IFT43: variants seen among roughly 807,000 people sequenced by gnomAD.
IFT43 encodes intraflagellar transport 43.
IFT43 carries 33 observed loss-of-function variants against 32.3 expected under a neutral mutation model. The ratio of observed to expected loss-of-function variants is 1.02; its 90% CI spans 0.77 to 1.37. IFT43 has a LOEUF of 1.37. IFT43 is among the 40% of genes most tolerant of loss of function. The pLI is 0.00. For synonymous variants in IFT43, 93 were observed against 98.2 expected (o/e 0.95, Z 0.31); for missense variants, 274 against 265.9 (o/e 1.03, Z -0.21).
intron 3 of IFT43, among the ~76,000 whole-genome samples, chr14:76,026,429 G>A (rs1164552979): frequency 2.6e-5 from 4 of 151,782 alleles, no homozygotes; most frequent in Non-Finnish European, 4.4e-5. Context: ...ATGGTGGCAC[G>A]TGTCTGTAAT....
At chr14:76,017,269 A>G (rs575431838) in intron 2 of IFT43, among the ~76,000 whole-genome samples, 312 of 152,294 alleles carry the variant, frequency 2.0e-3, no homozygotes, top group Middle Eastern at 6.8e-3. Flanking sequence ...GGGATGTTCA[A>G]TCATATCAAA....
intron 5 of IFT43, chr14:76,059,738 T>C (rs1174417792): frequency 2.8e-6 from 1 of 351,238 alleles, no homozygotes; most frequent in East Asian, 7.2e-5. Flanking sequence ...AGGTGTTGAC[T>C]ATATCCCAAG....
At chr14:75,999,200 T>TAA (rs1205175011) in intron 2 of IFT43, among the ~76,000 whole-genome samples, 1 of 144,476 alleles carries the variant, frequency 6.9e-6, no homozygotes, top group African/African-American at 2.5e-5. Context: ...TATATATATA[T>TAA]AATATTCATT....
intron 2 of IFT43, among the ~76,000 whole-genome samples, chr14:76,006,906 A>G (rs2035990591): frequency 7.4e-6 from 1 of 135,298 alleles, no homozygotes; most frequent in Non-Finnish European, 1.5e-5. Flanking sequence ...TGCCTAGGCT[A>G]GAGTGCAATG....
rs375953843 is a variant in IFT43 at position 76,018,147 on chromosome 14, A to G, written c.148-4180A>G. ...CCTGAGGTGTGTTGTTAGCTTGTTC[A>G]TTCAGAATCTTTCCTTTTTTTTTTT... On this transcript the variant is annotated intron_variant, in intron 2 of 8. Transcript: ENST00000314067. Among the ~76,000 whole-genome samples, 27 of 145,010 alleles carry G rather than the reference A, an allele frequency of 1.9e-4. 1 individual carries two copies. The East Asian group carries it at 3.9e-3, about 21-fold the overall frequency.
chr14:76,001,140 C>T (rs2035877399), intron 2 of IFT43, among the ~76,000 whole-genome samples: 1 of 152,174 alleles, frequency 6.6e-6, no homozygotes, highest in Non-Finnish European at 1.5e-5. Context: ...ATTGGATTTG[C>T]ATCTTAGAAA....
At chr14:76,010,868 T>C (rs2036070409) in intron 2 of IFT43, among the ~76,000 whole-genome samples, 1 of 151,936 alleles carries the variant, frequency 6.6e-6, no homozygotes, top group Non-Finnish European at 1.5e-5. Context: ...TAAGTCTCTT[T>C]TAATTTAGAA....
intron 5 of IFT43, among the ~76,000 whole-genome samples, chr14:76,074,210 G>A (rs1268697114): frequency 6.6e-6 from 1 of 152,134 alleles, no homozygotes; most frequent in East Asian, 1.9e-4. Context: ...CTCTGAGAAG[G>A]TGCTCTCTGT....
intron 2 of IFT43, among the ~76,000 whole-genome samples, chr14:76,012,964 C>G (rs1449636183): frequency 1.3e-5 from 2 of 152,146 alleles, no homozygotes; most frequent in Admixed American, 1.3e-4. Flanking sequence ...AGCTCTAATC[C>G]TTCTCTTCCA....
At chr14:76,022,919 A>G (rs534917392) in intron 3 of IFT43, among the ~76,000 whole-genome samples, 1 of 152,362 alleles carries the variant, frequency 6.6e-6, no homozygotes, top group East Asian at 1.9e-4. Context: ...ATCAGTCATC[A>G]TTCATAAAGG....
At chr14:76,067,213 G>A (rs1010056389) in intron 5 of IFT43, among the ~76,000 whole-genome samples, 1 of 152,192 alleles carries the variant, frequency 6.6e-6, no homozygotes, top group African/African-American at 2.4e-5. Flanking sequence ...CCTAGGGATA[G>A]AAGACAAGCA....
At chr14:76,032,061 AC>A (rs2036518248) in intron 3 of IFT43, among the ~76,000 whole-genome samples, 2 of 150,340 alleles carry the variant, frequency 1.3e-5, no homozygotes, top group African/African-American at 4.9e-5. Flanking sequence ...AACCCCTTCT[AC>A]CCCCTCCCCT....
At chr14:76,052,957 C>T (rs976268115) in intron 3 of IFT43, among the ~76,000 whole-genome samples, 3 of 152,018 alleles carry the variant, frequency 2.0e-5, no homozygotes, top group African/African-American at 7.3e-5. Flanking sequence ...TTGAAATGCC[C>T]GCATGTCTCC....
At chr14:75,987,458 AG>A (rs2035551516) in intron 1 of IFT43, among the ~76,000 whole-genome samples, 1 of 152,164 alleles carries the variant, frequency 6.6e-6, no homozygotes, top group Non-Finnish European at 1.5e-5. Context: ...AAGTTTCAGC[AG>A]GGTAGAGTGG....
At chr14:76,043,628 T>G (rs2036749310) in intron 3 of IFT43, among the ~76,000 whole-genome samples, 1 of 152,206 alleles carries the variant, frequency 6.6e-6, no homozygotes, top group South Asian at 2.1e-4. Context: ...GAAATCTGTT[T>G]CTCCCAATGT....
chr14:76,034,493 A>G (rs2036564311), intron 3 of IFT43, among the ~76,000 whole-genome samples: 1 of 152,200 alleles, frequency 6.6e-6, no homozygotes, highest in East Asian at 1.9e-4. Context: ...AGCACCTTAT[A>G]TGTGCATTAC....
At chr14:75,997,148 A>C (rs2035762452) in intron 2 of IFT43, among the ~76,000 whole-genome samples, 1 of 152,184 alleles carries the variant, frequency 6.6e-6, no homozygotes, top group Admixed American at 6.5e-5. Context: ...TTCCAGGTAG[A>C]GGGAAGAGTG....
chr14:75,993,351 C>G (rs1368068304), intron 2 of IFT43, among the ~76,000 whole-genome samples: 1 of 152,202 alleles, frequency 6.6e-6, no homozygotes, highest in East Asian at 1.9e-4. Flanking sequence ...AGTGAGAATG[C>G]TGGGTTGACA....
At chr14:75,988,809 C>T (rs1353436191) in intron 1 of IFT43, 76 bp from the exon 2 acceptor site, 9 of 1,607,558 alleles carry the variant, frequency 5.6e-6, no homozygotes, top group East Asian at 2.2e-5. Context: ...TGAGCCACTG[C>T]GCCCGGCTGG....
Sources: gnomAD v4.1 joint callset for allele counts (sites outside exome capture counted in the v4.1 genomes callset) on GRCh38, gnomAD v4.1.1 for gene constraint, MANE v1.5 for transcripts, NCBI Gene and HGNC (gene_info 2026-07-23, HGNC 2026-07-21) for gene names.